The following DDX19B variants were observed in gnomAD, a reference collection of about 807,000 sequenced individuals.
The protein encoded by DDX19B is ATP-dependent RNA helicase DDX19B.
Under a neutral mutation model 58.1 loss-of-function variants are expected in DDX19B, and 27 were observed. That is an observed-to-expected ratio of 0.46 (90% CI 0.34 to 0.64). DDX19B has a LOEUF of 0.64. Among genes scored for constraint, DDX19B ranks in the 30% least tolerant of loss-of-function variants. The pLI is 0.01. For synonymous variants in DDX19B, 187 were observed against 214.4 expected (o/e 0.87, Z 1.12); for missense variants, 399 against 596.5 (o/e 0.67, Z 3.45).
At chr16:70,294,499 A>T (rs1961148763), upstream of DDX19B, among the ~76,000 whole-genome samples, 1 of 152,166 alleles carries the variant, frequency 6.6e-6, no homozygotes, top group Non-Finnish European at 1.5e-5. Flanking sequence ...CAGATGCAAA[A>T]TTTTTAAAAA....
At chr16:70,308,697 G>A (rs535592276) in intron 1 of DDX19B, among the ~76,000 whole-genome samples, 1 of 152,070 alleles carries the variant, frequency 6.6e-6, no homozygotes, top group East Asian at 1.9e-4. Flanking sequence ...AATCTTTATA[G>A]AGGTGGAGTC....
chr16:70,298,378 C>T (rs937776457), upstream of DDX19B, among the ~76,000 whole-genome samples: 1 of 151,948 alleles, frequency 6.6e-6, no homozygotes, highest in African/African-American at 2.4e-5. Context: ...TGCACTCCAG[C>T]CTGGGCGACA....
chr16:70,331,922 T>C (rs974581885), intron 10 of DDX19B, 38 bp downstream of exon 10: 5 of 1,605,450 alleles, frequency 3.1e-6, no homozygotes, highest in East Asian at 2.2e-5. Context: ...CTGCCAGGCT[T>C]GGGGTCCCAG....
rs778767646 is a variant in DDX19B at position 70,329,335 on chromosome 16, C to A, written c.651C>A (p.Thr217=). 4 of 1,614,082 alleles carry A rather than the reference C, an allele frequency of 2.5e-6. No homozygotes were observed. The highest frequency in any genetic ancestry group is 3.4e-6 in the Non-Finnish European group (4 of 1,180,012). Residue 217 remains threonine (T), a synonymous_variant, in exon 8 of 12, where the codon ACC becomes ACA. Transcript: ENST00000288071. The stretch of plus-strand genomic sequence containing the variant: ...TCAGTGAGCAGATTGTCATTGGCAC[C>A]CCTGGGACTGTGCTGGACTGGTGCT... ...QKISEQIVIG[T]PGTVLDWCSK... is the part of the protein sequence containing the mutation.
upstream of DDX19B, among the ~76,000 whole-genome samples, chr16:70,294,436 A>G (rs537248994): frequency 1.1e-4 from 16 of 152,244 alleles, no homozygotes; most frequent in African/African-American, 3.8e-4. Flanking sequence ...GAGAGATTAT[A>G]CTTGGAATAC....
chr16:70,329,789 C>T (rs1963383138), intron 8 of DDX19B, 42 bp from the exon 9 acceptor site: 1 of 1,612,276 alleles, frequency 6.2e-7, no homozygotes. Context: ...CTGTCGCTTC[C>T]CGGGGCCACC....
Position 70,334,622 on chromosome 16 carries a change from G to A in DDX19B, c.*1040G>A, listed in dbSNP as rs1597509375. Reference sequence around the variant, plus strand: ...ATATTTGACATCTTGATTATAAAGGGCTTCTGAACATCTGTGTTTACTGCC... The same window carrying A: ...ATATTTGACATCTTGATTATAAAGGACTTCTGAACATCTGTGTTTACTGCC... On this transcript the variant is annotated 3_prime_UTR_variant, in exon 12 of 12. Transcript: ENST00000288071. 2.6e-5 allele frequency: 4 copies of A among 152,246 alleles called. 1 individual carries two copies. Among genetic ancestry groups the A allele is most frequent in the Admixed American group, 2.6e-4 (4 of 15,280 alleles). The allele number at this position is 152,246 out of a possible 1,614,324, so 9.4% of individuals were successfully genotyped here.
At position 70,329,880 on chromosome 16, in the gene DDX19B, G is replaced by T. The variant is rs1236769469; in HGVS notation, c.835G>T (p.Asp279Tyr). 1 of 1,614,214 alleles carries T rather than the reference G, an allele frequency of 6.2e-7. No individual in the cohort carries two copies. The highest frequency in any genetic ancestry group is 2.2e-5 in the East Asian group (1 of 44,878). The part of the protein sequence containing the change: ...QMLLFSATFE[D>Y]SVWKFAQKVV... ...GCTGCTTTTCTCCGCCACCTTTGAA[G>T]ACTCTGTGTGGAAGTTTGCCCAGAA... Residue 279 changes from aspartate (D) to tyrosine (Y), a missense_variant, in exon 9 of 12, where the codon GAC becomes TAC. Around this residue, in one of 4 missense-constraint regions of DDX19B, gnomAD observed 198 missense variants for 345.9 expected, o/e 0.57. Transcript: ENST00000288071.
chr16:70,326,891 G>A (rs917962465), intron 7 of DDX19B, among the ~76,000 whole-genome samples: 2 of 151,586 alleles, frequency 1.3e-5, no homozygotes, highest in Non-Finnish European at 2.9e-5. Context: ...CTGGAGAGCA[G>A]TGGCACAGTC....
intron 1 of DDX19B, among the ~76,000 whole-genome samples, chr16:70,304,702 C>T (rs1961668888): frequency 6.6e-6 from 1 of 152,164 alleles, no homozygotes; most frequent in African/African-American, 2.4e-5. Context: ...CAGCACCATT[C>T]GTTTAAAAGT....
At chr16:70,318,988 C>T (rs1388234981) in intron 5 of DDX19B, among the ~76,000 whole-genome samples, 1 of 151,422 alleles carries the variant, frequency 6.6e-6, no homozygotes, top group Admixed American at 6.6e-5. Flanking sequence ...CCTGTGGTCC[C>T]AGCTACATGG....
At chr16:70,306,394 AC>A (rs1409491542) in intron 1 of DDX19B, among the ~76,000 whole-genome samples, 2 of 148,676 alleles carry the variant, frequency 1.3e-5, no homozygotes, top group Non-Finnish European at 3.0e-5. Flanking sequence ...TCAAGCTATC[AC>A]CTGCCTTGGC....
chr16:70,306,058 C>A lies in DDX19B; in HGVS notation c.58-6551C>A, dbSNP rs1336094604. On this transcript the variant is annotated intron_variant, in intron 1 of 11. Coordinates refer to ENST00000288071, the MANE Select transcript of DDX19B (RefSeq NM_007242.7). ...GATTACAGGCATGACCCACAGCACC[C>A]GGCCTGTTTTTTTTATTTTTTAGTT... is the stretch of plus-strand genomic sequence containing the variant. Among the ~76,000 whole-genome samples the A allele has an allele frequency of 2.6e-5, 4 of 152,050 alleles. No individual in the cohort carries two copies. In the South Asian group the frequency reaches 8.3e-4, roughly 32 times the overall value.
intron 1 of DDX19B, among the ~76,000 whole-genome samples, chr16:70,300,281 C>G (rs1338532750): frequency 6.6e-6 from 1 of 152,056 alleles, no homozygotes; most frequent in African/African-American, 2.4e-5. Flanking sequence ...TCTTGGCTCA[C>G]TGCAGTCTCT....
At chr16:70,295,651 G>C (rs1326449524), upstream of DDX19B, among the ~76,000 whole-genome samples, 1 of 152,014 alleles carries the variant, frequency 6.6e-6, no homozygotes, top group African/African-American at 2.4e-5. Flanking sequence ...GTTTTGAGGT[G>C]GGAATCTAAG....
rs1963621985 is a variant in DDX19B, at chr16:70,334,223, A to G, written c.*641A>G. 1 of 154,538 alleles carries G rather than the reference A, an allele frequency of 6.5e-6. No individual in the cohort carries two copies. Among genetic ancestry groups the G allele is most frequent in the Admixed American group, 6.4e-5 (1 of 15,676 alleles). 9.6% of individuals were successfully genotyped at this position (154,538 alleles called of 1,614,324 possible). A position where few individuals can be genotyped will look rare whatever the true frequency, so the allele number is the denominator to read the frequency against. On this transcript the variant is annotated 3_prime_UTR_variant, in exon 12 of 12. Transcript: ENST00000288071. ...TCGGTTGTGTATATGGGTTTGTGTCACAGGACTGTGACCTGTTCTCGGTGG... is the reference window on the plus strand; with the variant it reads ...TCGGTTGTGTATATGGGTTTGTGTCGCAGGACTGTGACCTGTTCTCGGTGG...
intron 8 of DDX19B, 36 bp downstream of exon 8, chr16:70,329,505 C>T: frequency 3.1e-6 from 5 of 1,611,528 alleles, no homozygotes; most frequent in Non-Finnish European, 4.2e-6. Context: ...CCTCAGATTC[C>T]CCATCTGCAG....
intron 7 of DDX19B, among the ~76,000 whole-genome samples, chr16:70,327,114 G>A (rs948084471): frequency 1.3e-5 from 2 of 151,940 alleles, no homozygotes; most frequent in Admixed American, 6.6e-5. Context: ...GATTACAGGC[G>A]TGAGCCACTG....
rs1219161655 is a variant in DDX19B at position 70,312,629 on chromosome 16, G to T, written c.78G>T (p.Lys26Asn). The T allele has an allele frequency of 6.2e-7, 1 of 1,613,050 alleles. No homozygotes were observed. Among genetic ancestry groups the T allele is most frequent in the East Asian group, 2.2e-5 (1 of 44,820 alleles). The part of the protein sequence containing the change: ...AAESLSNLHL[K>N]EEKIKPDTNG... ...TTTAGTTGAGCAACTTGCATCTTAAGGAAGAGAAAATCAAACCAGATACCA... is the reference window on the plus strand; with the variant it reads ...TTTAGTTGAGCAACTTGCATCTTAATGAAGAGAAAATCAAACCAGATACCA... Residue 26 changes from lysine to asparagine, a missense_variant, in exon 2 of 12, where the codon AAG becomes AAT. Physicochemically the swap from Lys to Asn is moderately conservative, Grantham distance 94 (BLOSUM62 0). Coordinates refer to ENST00000288071, the MANE Select transcript of DDX19B (RefSeq NM_007242.7).
Sources: gnomAD v4.1 joint callset for allele counts (sites outside exome capture counted in the v4.1 genomes callset) on GRCh38, gnomAD v4.1.1 for gene constraint, gnomAD v4.1.1 regional missense constraint, MANE v1.5 for transcripts, NCBI Gene and HGNC (gene_info 2026-07-23, HGNC 2026-07-21) for gene names.